The following SREK1 variants were observed in gnomAD, a reference collection of about 807,000 sequenced individuals.
SREK1 encodes splicing regulatory glutamic acid and lysine rich protein 1, also known as splicing regulatory glutamine/lysine-rich protein 1.
A neutral mutation model predicts 66.5 loss-of-function variants in SREK1; 13 were observed. The ratio of observed to expected loss-of-function variants is 0.20; its 90% CI spans 0.13 to 0.31. SREK1 has a LOEUF of 0.31. Among genes scored for constraint, SREK1 ranks in the 10% least tolerant of loss-of-function variants. The pLI, the probability that SREK1 is intolerant of heterozygous loss-of-function variation, is 1.00. For missense variants in SREK1, 607 were observed against 769.6 expected (o/e 0.79, Z 2.50); for synonymous variants, 265 against 263.5 (o/e 1.01, Z -0.05).
intron 2 of SREK1, chr5:66,157,293 G>T (rs901503979): frequency 1.4e-5 from 14 of 984,768 alleles, no homozygotes; most frequent in Middle Eastern, 5.2e-4. Context: ...GTCAACTTTT[G>T]GCCAGTGTTG....
intron 11 of SREK1, among the ~76,000 whole-genome samples, chr5:66,177,875 C>T (rs574489329): frequency 1.3e-5 from 2 of 152,148 alleles, no homozygotes; most frequent in East Asian, 1.9e-4. Flanking sequence ...TAAATCCTAA[C>T]ATGGCATGCA....
Position 66,160,275 on chromosome 5 carries a change from A to G in SREK1, c.411+941A>G, listed in dbSNP as rs867460913. Among the ~76,000 whole-genome samples the G allele has an allele frequency of 2.6e-5, 4 of 152,240 alleles. No individual in the cohort carries two copies. In the South Asian group the frequency reaches 6.2e-4, roughly 24 times the overall value. On this transcript the variant is annotated intron_variant, in intron 3 of 11. Coordinates refer to ENST00000334121, the MANE Select transcript of SREK1 (RefSeq NM_001077199.3). ...CTTGCCTTAATTGGAAGTTGAATCT[A>G]GCTTTGTGGTGTTGGATAGGAATTG...
intron 3 of SREK1, among the ~76,000 whole-genome samples, chr5:66,161,790 A>G (rs1262714712): frequency 6.6e-6 from 1 of 152,220 alleles, no homozygotes; most frequent in African/African-American, 2.4e-5. Context: ...CCTAGGAATA[A>G]TGGTTCAATA....
Position 66,178,792 on chromosome 5 carries a change from A to G in SREK1, c.1799A>G (p.Glu600Gly). Reference sequence around the variant, plus strand: ...GATGACAAGGATGCACCAAGGACTGAGGAAAACAAAATACAGCACAATGGG... The same window carrying G: ...GATGACAAGGATGCACCAAGGACTGGGGAAAACAAAATACAGCACAATGGG... ...EVDDKDAPRT[E>G]ENKIQHNGNC... The change falls in exon 12 of 12, where the codon GAG becomes GGG. Residue 600 changes from glutamate (E) to glycine (G), a missense_variant. This residue lies in a region of SREK1 where 318 missense variants were observed against 310.3 expected (regional missense o/e 1.02). Transcript: ENST00000334121. 1 of 1,612,738 alleles carries G rather than the reference A, an allele frequency of 6.2e-7. No homozygotes were observed. The highest frequency in any genetic ancestry group is 8.5e-7 in the Non-Finnish European group (1 of 1,179,040).
intron 2 of SREK1, chr5:66,157,630 T>G (rs1166554888): frequency 1.0e-6 from 1 of 969,348 alleles, no homozygotes; most frequent in East Asian, 1.1e-4. Flanking sequence ...CAGATTATTG[T>G]TATTTGATGT....
rs542621794 is a variant in SREK1, at chr5:66,161,712, A to C, written c.412-397A>C. Among the ~76,000 whole-genome samples, 306 of 152,362 alleles carry C rather than the reference A, an allele frequency of 2.0e-3. 3 individuals are homozygous for C. The highest frequency in any genetic ancestry group is 4.7e-3 in the Admixed American group (72 of 15,312). On this transcript the variant is annotated intron_variant, in intron 3 of 11. Coordinates refer to ENST00000334121, the MANE Select transcript of SREK1 (RefSeq NM_001077199.3). The stretch of plus-strand genomic sequence containing the variant: ...TTTAAACAGAAGAACATATAAAATA[A>C]GGTTAAATATTTTACTAGTTAATGT...
In SREK1 at chr5:66,178,764, G is replaced by A; in HGVS notation, c.1771G>A (p.Val591Ile). Residue 591 changes from valine to isoleucine, a missense_variant, in exon 12 of 12, where the codon GTA (valine) becomes ATA (isoleucine). By Grantham distance (29) the Val-to-Ile change is conservative. This residue lies in a region of SREK1 where 318 missense variants were observed against 310.3 expected (regional missense o/e 1.02). Transcript: ENST00000334121. ...KEPDSSVSKE[V>I]DDKDAPRTEE... ...ACCAGATTCAAGTGTGAGCAAAGAAGTAGATGACAAGGATGCACCAAGGAC... is the reference window on the plus strand; with the variant it reads ...ACCAGATTCAAGTGTGAGCAAAGAAATAGATGACAAGGATGCACCAAGGAC... The A allele has an allele frequency of 6.2e-7, 1 of 1,612,570 alleles. No homozygotes were observed. The highest frequency in any genetic ancestry group is 8.5e-7 in the Non-Finnish European group (1 of 1,178,944).
intron 1 of SREK1, among the ~76,000 whole-genome samples, chr5:66,146,361 G>T (rs1419559596): frequency 1.3e-5 from 2 of 152,122 alleles, no homozygotes; most frequent in African/African-American, 4.8e-5. Context: ...TTATTTGGTT[G>T]AAACCTGGGT....
rs546245872 is a variant in SREK1, at chr5:66,180,464, G to A, written c.*1596G>A. 1 of 152,522 alleles carries A rather than the reference G, an allele frequency of 6.6e-6. No homozygotes were observed. Among genetic ancestry groups the A allele is most frequent in the Non-Finnish European group, 1.5e-5 (1 of 67,994 alleles). The allele number at this position is 152,522 out of a possible 1,614,324, so 9.4% of individuals were successfully genotyped here. Reference sequence around the variant, plus strand: ...TGTTAGTTACTTGGTTTCAACTTGAGTTTTCTTTTAATGTTAATAAGATTG... The same window carrying A: ...TGTTAGTTACTTGGTTTCAACTTGAATTTTCTTTTAATGTTAATAAGATTG... On this transcript the variant is annotated 3_prime_UTR_variant, in exon 12 of 12. Coordinates refer to ENST00000334121, the MANE Select transcript of SREK1 (RefSeq NM_001077199.3).
intron 3 of SREK1, among the ~76,000 whole-genome samples, chr5:66,159,633 T>C (rs191190184): frequency 8.9e-4 from 135 of 152,320 alleles, no homozygotes; most frequent in South Asian, 1.7e-3. Flanking sequence ...TCTAGGTAAC[T>C]GTATTTCTCA....
chr5:66,145,369 TC>T lies in SREK1; in HGVS notation c.161+833del, dbSNP rs547954939. 4.2e-3 allele frequency among the ~76,000 whole-genome samples: 644 copies of T among 152,176 alleles called. 4 individuals are homozygous for T. Among genetic ancestry groups the T allele is most frequent in the African/African-American group, 0.014 (592 of 41,430 alleles). On this transcript the variant is annotated intron_variant, in intron 1 of 11. Coordinates refer to ENST00000334121, the MANE Select transcript of SREK1 (RefSeq NM_001077199.3). ...CACATTCTTGCACACAAACTTTTTTTCTTTTTTAATGGTAGATCTTACAGTA... is the reference window on the plus strand; with the variant it reads ...CACATTCTTGCACACAAACTTTTTTTTTTTTTAATGGTAGATCTTACAGTA...
chr5:66,166,957 C>T (rs1745228701), intron 7 of SREK1: 1 of 152,160 alleles, frequency 6.6e-6, no homozygotes, highest in Non-Finnish European at 1.5e-5. Context: ...ATCCCACTAT[C>T]CCCCAGAAAT....
chr5:66,149,449 C>G (rs1413529926), intron 1 of SREK1, among the ~76,000 whole-genome samples: 2 of 152,114 alleles, frequency 1.3e-5, no homozygotes, highest in Non-Finnish European at 2.9e-5. Flanking sequence ...CAGAACAGAC[C>G]AACATTTTTT....
At chr5:66,156,455 T>G in intron 2 of SREK1, 1 of 1,032,548 alleles carries the variant, frequency 9.7e-7, no homozygotes, top group Non-Finnish European at 1.2e-6. Context: ...TACAGTGTTG[T>G]GAAGCTCATT....
intron 2 of SREK1, 199 bp downstream of exon 2, chr5:66,153,795 C>A: frequency 5.4e-6 from 3 of 559,444 alleles, no homozygotes; most frequent in Non-Finnish European, 8.7e-6. Flanking sequence ...TGAGGTTTTA[C>A]AATTTAACAT....
intron 1 of SREK1, among the ~76,000 whole-genome samples, chr5:66,146,909 A>T (rs1216117502): frequency 1.3e-5 from 2 of 152,174 alleles, no homozygotes; most frequent in Non-Finnish European, 2.9e-5. Context: ...GAATGTGAAA[A>T]TAGTTTCTCA....
At chr5:66,144,751 C>T (rs1743005857) in intron 1 of SREK1, 6 of 1,263,260 alleles carry the variant, frequency 4.7e-6, no homozygotes, top group Middle Eastern at 3.0e-4. Context: ...GGAGCCCTTA[C>T]CAAGGATTTA....
rs1744802671 is a variant in SREK1 at position 66,161,897 on chromosome 5, A to C, written c.412-212A>C. On this transcript the variant is annotated intron_variant, in intron 3 of 11. Transcript: ENST00000334121. ...AGGGTCAAGTTTAAAAGTGGCTAAAATATCCAGACAGTAAAATATATTTCA... is the reference window on the plus strand; with the variant it reads ...AGGGTCAAGTTTAAAAGTGGCTAAACTATCCAGACAGTAAAATATATTTCA... 2.0e-5 allele frequency among the ~76,000 whole-genome samples: 3 copies of C among 152,332 alleles called. No individual in the cohort carries two copies. The South Asian group carries it at 6.2e-4, about 32-fold the overall frequency.
chr5:66,146,036 C>T (rs1041091779), intron 1 of SREK1, among the ~76,000 whole-genome samples: 2 of 151,848 alleles, frequency 1.3e-5, no homozygotes, highest in African/African-American at 4.8e-5. Flanking sequence ...TCAGGTAATA[C>T]ATTTTTGACG....
Sources: gnomAD v4.1 joint callset for allele counts (sites outside exome capture counted in the v4.1 genomes callset) on GRCh38, gnomAD v4.1.1 for gene constraint, gnomAD v4.1.1 regional missense constraint, MANE v1.5 for transcripts, NCBI Gene and HGNC (gene_info 2026-07-23, HGNC 2026-07-21) for gene names.